GRIA4: variants seen among roughly 807,000 people sequenced by gnomAD.
GRIA4 encodes the protein glutamate receptor 4.
GRIA4 carries 34 observed loss-of-function variants against 104.0 expected under a neutral mutation model. The observed-to-expected ratio is 0.33, with a 90% CI of 0.25 to 0.44. GRIA4 has a LOEUF of 0.44. GRIA4 is among the 20% of genes least tolerant of loss of function. The pLI, the probability that GRIA4 is intolerant of heterozygous loss-of-function variation, is 1.00. For missense variants in GRIA4, 750 were observed against 1,096.5 expected (o/e 0.68, Z 4.46); for synonymous variants, 386 against 381.9 (o/e 1.01, Z -0.13).
chr11:105,963,532 G>C (rs2136268313), intron 14 of GRIA4, among the ~76,000 whole-genome samples: 1 of 152,160 alleles, frequency 6.6e-6, no homozygotes, highest in Middle Eastern at 3.4e-3. Flanking sequence ...CATATATGAT[G>C]GTATTAAGTG....
intron 4 of GRIA4, among the ~76,000 whole-genome samples, chr11:105,858,125 G>C (rs147467092): frequency 9.9e-4 from 151 of 152,110 alleles, no homozygotes; most frequent in African/African-American, 3.6e-3. Flanking sequence ...GTGTTCTTTA[G>C]TAACTATGAA....
chr11:105,788,335 T>C (rs1942065880), intron 4 of GRIA4, among the ~76,000 whole-genome samples: 1 of 152,074 alleles, frequency 6.6e-6, no homozygotes, highest in Non-Finnish European at 1.5e-5. Context: ...AAAAACAGTA[T>C]GGAGATTTCT....
At chr11:105,847,124 T>C (rs1944627663) in intron 4 of GRIA4, among the ~76,000 whole-genome samples, 1 of 151,802 alleles carries the variant, frequency 6.6e-6, no homozygotes, top group Non-Finnish European at 1.5e-5. Flanking sequence ...ACCGGTTTCC[T>C]GGAAGACAAT....
intron 3 of GRIA4, among the ~76,000 whole-genome samples, chr11:105,618,973 G>A (rs1186269684): frequency 6.6e-6 from 1 of 151,890 alleles, no homozygotes; most frequent in Non-Finnish European, 1.5e-5. Flanking sequence ...GTTCAACCTC[G>A]TTGACAACTG....
At chr11:105,832,255 T>G (rs995260958) in intron 4 of GRIA4, among the ~76,000 whole-genome samples, 1 of 151,936 alleles carries the variant, frequency 6.6e-6, no homozygotes, top group African/African-American at 2.4e-5. Flanking sequence ...AAAAGCCATT[T>G]CCTTAAAATG....
chr11:105,726,279 G>A (rs1938202144), intron 3 of GRIA4, among the ~76,000 whole-genome samples: 2 of 152,094 alleles, frequency 1.3e-5, no homozygotes, highest in South Asian at 2.1e-4. Context: ...CCTCTGGGAA[G>A]TACAAACTGA....
At chr11:105,631,922 A>G (rs1235323108) in intron 3 of GRIA4, among the ~76,000 whole-genome samples, 1 of 152,180 alleles carries the variant, frequency 6.6e-6, no homozygotes, top group Non-Finnish European at 1.5e-5. Flanking sequence ...GAGGGGTATA[A>G]AAGAGTGTTG....
intron 14 of GRIA4, among the ~76,000 whole-genome samples, chr11:105,951,533 C>T (rs993908145): frequency 7.9e-5 from 12 of 152,288 alleles, no homozygotes; most frequent in African/African-American, 2.9e-4. Context: ...AGGGACTTTA[C>T]TGAGTATAGT....
chr11:105,661,024 T>C (rs1382391944), intron 3 of GRIA4, among the ~76,000 whole-genome samples: 1 of 151,306 alleles, frequency 6.6e-6, no homozygotes, highest in Non-Finnish European at 1.5e-5. Context: ...AATTTCAGAA[T>C]TAGAAAGGTG....
At position 105,763,877 on chromosome 11, in the gene GRIA4, C is replaced by G. The variant is rs561493883; in HGVS notation, c.487+10657C>G. Among the ~76,000 whole-genome samples the G allele has an allele frequency of 4.6e-5, 7 of 152,332 alleles. No homozygotes were observed. In the South Asian group the frequency reaches 1.4e-3, roughly 32 times the overall value. On this transcript the variant is annotated intron_variant, in intron 4 of 16. Coordinates refer to ENST00000282499, the MANE Select transcript of GRIA4 (RefSeq NM_000829.4). ...TGTGAGTACACATTATTCTCTGTCA[C>G]TTCATTGGGAGCCATTTAGCTCTTA...
intron 4 of GRIA4, 44 bp downstream of exon 4, chr11:105,753,264 C>T (rs746890639): frequency 5.0e-6 from 8 of 1,590,840 alleles, no homozygotes; most frequent in Non-Finnish European, 6.9e-6. Context: ...CTCTAATTTT[C>T]AATGTGAAAT....
intron 4 of GRIA4, among the ~76,000 whole-genome samples, chr11:105,838,894 C>T (rs936764153): frequency 6.6e-6 from 1 of 152,130 alleles, no homozygotes; most frequent in Non-Finnish European, 1.5e-5. Flanking sequence ...CTAATGACAC[C>T]CTGAAACCTG....
chr11:105,843,519 C>T (rs191082527), intron 4 of GRIA4, among the ~76,000 whole-genome samples: 1 of 152,280 alleles, frequency 6.6e-6, no homozygotes, highest in Admixed American at 6.5e-5. Context: ...AACTGTATCA[C>T]CTGTTTCAGT....
At chr11:105,887,235 G>A (rs1301128455) in intron 5 of GRIA4, among the ~76,000 whole-genome samples, 2 of 152,026 alleles carry the variant, frequency 1.3e-5, no homozygotes, top group Non-Finnish European at 2.9e-5. Context: ...AGAAATATAT[G>A]TAAATGTTGG....
intron 3 of GRIA4, among the ~76,000 whole-genome samples, chr11:105,638,487 T>A (rs1485931310): frequency 6.6e-6 from 1 of 151,984 alleles, no homozygotes; most frequent in Non-Finnish European, 1.5e-5. Context: ...AGTGATGTTT[T>A]CAAATACAGA....
intron 4 of GRIA4, among the ~76,000 whole-genome samples, chr11:105,761,658 T>C (rs534526451): frequency 6.6e-6 from 1 of 152,204 alleles, no homozygotes; most frequent in Non-Finnish European, 1.5e-5. Flanking sequence ...AATAAAACTC[T>C]ATTTATCAAC....
intron 3 of GRIA4, among the ~76,000 whole-genome samples, chr11:105,688,812 C>T (rs929750184): frequency 6.6e-6 from 1 of 152,092 alleles, no homozygotes; most frequent in South Asian, 2.1e-4. Context: ...TTGTTGGTAA[C>T]GCCATAATAT....
chr11:105,926,636 T>C (rs1223042868), intron 12 of GRIA4, 105 bp from the exon 13 acceptor site: 7 of 728,296 alleles, frequency 9.6e-6, no homozygotes, highest in Non-Finnish European at 1.5e-5. Context: ...AAACAATACT[T>C]GGCAATTGTT....
In GRIA4 at chr11:105,612,388, T is replaced by C; in HGVS notation, c.201T>C (p.His67=). Reference sequence around the variant, plus strand: ...AAGCTCCTTTTAATTTGGTACCTCATGTGGACAACATTGAGACAGCCAACA... The same window carrying C: ...AAGCTCCTTTTAATTTGGTACCTCACGTGGACAACATTGAGACAGCCAACA... ...ASEAPFNLVP[H]VDNIETANSF... The change falls in exon 3 of 17, where the codon CAT becomes CAC. Residue 67 remains histidine, a synonymous_variant. Transcript: ENST00000282499. The C allele has an allele frequency of 6.2e-7, 1 of 1,614,126 alleles. No individual in the cohort carries two copies. Among genetic ancestry groups the C allele is most frequent in the Non-Finnish European group, 8.5e-7 (1 of 1,179,950 alleles).
Sources: gnomAD v4.1 joint callset for allele counts (sites outside exome capture counted in the v4.1 genomes callset) on GRCh38, gnomAD v4.1.1 for gene constraint, MANE v1.5 for transcripts, NCBI Gene and HGNC (gene_info 2026-07-23, HGNC 2026-07-21) for gene names.